The following VPS13D variants were observed in gnomAD, a reference collection of about 807,000 sequenced individuals.
VPS13D encodes the protein intermembrane lipid transfer protein VPS13D.
Under a neutral mutation model 461.9 loss-of-function variants are expected in VPS13D, and 187 were observed. The observed-to-expected ratio is 0.40, with a 90% confidence interval of 0.36 to 0.46. VPS13D has a LOEUF of 0.46. VPS13D is among the 20% of genes least tolerant of loss of function. The pLI, the probability that VPS13D is intolerant of heterozygous loss-of-function variation, is 0.60. For synonymous variants in VPS13D, 1,951 were observed against 1,986.3 expected (o/e 0.98, Z 0.47); for missense variants, 4,711 against 5,364.9 (o/e 0.88, Z 3.81).
At chr1:12,331,911 A>G (rs911106017) in intron 37 of VPS13D, among the ~76,000 whole-genome samples, 3 of 152,174 alleles carry the variant, frequency 2.0e-5, no homozygotes, top group Admixed American at 2.0e-4. Flanking sequence ...TGTGTGTTAC[A>G]TACTGATTTG....
chr1:12,282,450 A>T (rs1276157622), intron 20 of VPS13D, among the ~76,000 whole-genome samples: 1 of 152,178 alleles, frequency 6.6e-6, no homozygotes, highest in Non-Finnish European at 1.5e-5. Flanking sequence ...GACTTTGTTG[A>T]TTCAGGCATA....
chr1:12,394,773 G>A (rs112227081), intron 60 of VPS13D, among the ~76,000 whole-genome samples: 15 of 152,134 alleles, frequency 9.9e-5, no homozygotes, highest in African/African-American at 3.1e-4. Context: ...CCTCTCTCAC[G>A]GTGGGCCATC....
intron 63 of VPS13D, chr1:12,409,826 A>T (rs1052752181): frequency 2.2e-6 from 1 of 455,750 alleles, no homozygotes; most frequent in African/African-American, 2.0e-5. Flanking sequence ...ATGTGAAGCC[A>T]TTGGAAAGCT....
At chr1:12,399,664 A>T (rs1208999313) in intron 60 of VPS13D, among the ~76,000 whole-genome samples, 1 of 151,956 alleles carries the variant, frequency 6.6e-6, no homozygotes, top group Non-Finnish European at 1.5e-5. Flanking sequence ...TACTAAAAAT[A>T]TAAAATTAGC....
intron 46 of VPS13D, among the ~76,000 whole-genome samples, chr1:12,350,592 G>C (rs1456484588): frequency 6.6e-6 from 1 of 152,092 alleles, no homozygotes; most frequent in Non-Finnish European, 1.5e-5. Flanking sequence ...CTTTGGTTAA[G>C]TCTCAATTAA....
intron 63 of VPS13D, among the ~76,000 whole-genome samples, chr1:12,405,557 G>T (rs1267848502): frequency 6.6e-6 from 1 of 152,200 alleles, no homozygotes; most frequent in Non-Finnish European, 1.5e-5. Context: ...GGCTCTTGCA[G>T]CCATCTCTGG....
chr1:12,277,142 A>G lies in VPS13D; in HGVS notation c.3554A>G (p.Asn1185Ser). Residue 1185 changes from asparagine to serine, a missense_variant, in exon 19 of 70, where the codon AAT becomes AGT. Asn to Ser is a conservative substitution (Grantham distance 46, BLOSUM62 1). Transcript: ENST00000620676. ...CTTCTTCGGACAGTGGGCATGGCAA[A>G]TAGAGAGAAATATGGCAGAAAAATT... ...LLLLRTVGMA[N>S]REKYGRKIAT... 1.2e-6 allele frequency: 2 copies of G among 1,614,236 alleles called. No individual in the cohort carries two copies. Among genetic ancestry groups the G allele is most frequent in the Non-Finnish European group, 1.7e-6 (2 of 1,180,042 alleles).
At chr1:12,330,269 G>A (rs1448897894) in intron 37 of VPS13D, among the ~76,000 whole-genome samples, 1 of 151,964 alleles carries the variant, frequency 6.6e-6, no homozygotes, top group African/African-American at 2.4e-5. Flanking sequence ...TACAAAACTA[G>A]CTGGGCATGG....
rs762396986 is a variant in VPS13D, at chr1:12,304,514, G to A, written c.6225G>A (p.Val2075=). ...ATTTTGTTCCTTCCCAGGAATCTGT[G>A]CCTTCAGCTTCCCCAACGGGTATTC... ...GTFSLQDKES[V]PSASPTGIPK... Residue 2075 remains valine, a synonymous_variant, in exon 26 of 70, where the codon GTG becomes GTA. Coordinates refer to ENST00000620676, the MANE Select transcript of VPS13D (RefSeq NM_015378.4). 1.9e-6 allele frequency: 3 copies of A among 1,613,322 alleles called. No individual in the cohort carries two copies. The highest frequency in any genetic ancestry group is 2.5e-6 in the Non-Finnish European group (3 of 1,179,674).
Position 12,283,088 on chromosome 1 carries a change from A to G in VPS13D, c.4986A>G (p.Leu1662=). Residue 1662 remains leucine (L), a synonymous_variant, in exon 21 of 70, where the codon TTA becomes TTG. Coordinates refer to ENST00000620676, the MANE Select transcript of VPS13D (RefSeq NM_015378.4). The part of the protein sequence containing the change: ...VEFSKDHPQT[L]SIQIALHSLL... The stretch of plus-strand genomic sequence containing the variant: ...TCAGTAAAGACCATCCCCAGACTTT[A>G]TCTATTCAGATTGCCCTGCATTCTC... 1 of 1,614,210 alleles carries G rather than the reference A, an allele frequency of 6.2e-7. No homozygotes were observed. Among genetic ancestry groups the G allele is most frequent in the South Asian group, 1.1e-5 (1 of 91,082 alleles).
At chr1:12,317,563 T>C (rs1642922783) in intron 30 of VPS13D, among the ~76,000 whole-genome samples, 1 of 151,574 alleles carries the variant, frequency 6.6e-6, no homozygotes, top group Non-Finnish European at 1.5e-5. Context: ...CTAGTTGCAA[T>C]TGCAATTGAA....
chr1:12,267,560 T>G (rs1196070720), intron 14 of VPS13D, among the ~76,000 whole-genome samples: 1 of 152,168 alleles, frequency 6.6e-6, no homozygotes, highest in African/African-American at 2.4e-5. Flanking sequence ...AAGGCTGACT[T>G]AAAGTTTGAA....
intron 32 of VPS13D, among the ~76,000 whole-genome samples, chr1:12,319,924 G>A (rs12755560): frequency 0.17 from 26,078 of 152,182 alleles, 2,722 homozygotes; most frequent in Middle Eastern, 0.24. Flanking sequence ...GCCCTGTCAG[G>A]CACCTTGTTG....
rs577915820 is a variant in VPS13D at position 12,506,502 on chromosome 1, A to G, written c.12795-351A>G. Among the ~76,000 whole-genome samples the G allele has an allele frequency of 5.9e-5, 9 of 152,174 alleles. No individual in the cohort carries two copies. The East Asian group carries it at 1.2e-3, about 20-fold the overall frequency. ...TGTTTAATTCTGCTTTTCCCCCCTC[A>G]GCTTTCAGCGCCCCCAGCTGCGTCT... is the stretch of plus-strand genomic sequence containing the variant. On this transcript the variant is annotated intron_variant, in intron 68 of 69. Coordinates refer to ENST00000620676, the MANE Select transcript of VPS13D (RefSeq NM_015378.4).
rs1344732265 is a variant in VPS13D, at chr1:12,322,705, A to G, written c.7874A>G (p.Glu2625Gly). The G allele has an allele frequency of 1.9e-6, 3 of 1,614,204 alleles. No individual in the cohort carries two copies. In the South Asian group the frequency reaches 3.3e-5, roughly 18 times the overall value. The change falls in exon 34 of 70, where the codon GAA becomes GGA. Residue 2625 changes from glutamate to glycine, a missense_variant. Physicochemically the swap from Glu to Gly is moderately conservative, Grantham distance 98. Coordinates refer to ENST00000620676, the MANE Select transcript of VPS13D (RefSeq NM_015378.4). ...CCAGGTGCATCTCGCGTTGGAGAGG[A>G]AATCAGAGAAGGGACAAGACACACC... is the stretch of plus-strand genomic sequence containing the variant. ...YLPGASRVGE[E>G]IREGTRHTLD...
chr1:12,327,345 G>C (rs1643216130), intron 35 of VPS13D, among the ~76,000 whole-genome samples: 1 of 152,222 alleles, frequency 6.6e-6, no homozygotes, highest in Non-Finnish European at 1.5e-5. Flanking sequence ...GCATGGTAGA[G>C]AGGGATGGCT....
Position 12,507,152 on chromosome 1 carries a change from G to C in VPS13D, c.13035+59G>C. On this transcript the variant is annotated intron_variant, in intron 69 of 69. Coordinates refer to ENST00000620676, the MANE Select transcript of VPS13D (RefSeq NM_015378.4). This position sits in a 1 kb window ranked among gnomAD's most constrained non-coding sequence, Gnocchi z 5.3. ...GCGGGGCCAGGGCCTCGATGCCTCT[G>C]CCCTGCTTCCCCGTCCTCAGCAGGA... 1 of 1,610,694 alleles carries C rather than the reference G, an allele frequency of 6.2e-7. No individual in the cohort carries two copies. Among genetic ancestry groups the C allele is most frequent in the Non-Finnish European group, 8.5e-7 (1 of 1,178,144 alleles).
At position 12,382,984 on chromosome 1, in the gene VPS13D, A is replaced by G; in HGVS notation, c.11199A>G (p.Gly3733=). The G allele has an allele frequency of 2.5e-6, 4 of 1,613,430 alleles. No homozygotes were observed. The highest frequency in any genetic ancestry group is 2.5e-6 in the Non-Finnish European group (3 of 1,179,814). ...GLHGLVVQAK[G]GLSGLFDGAE... is the part of the protein sequence containing the mutation. ...ACTCCAATGTCTTTTAGGCCAAAGG[A>G]GGACTTTCTGGTTTGTTTGATGGAG... The change falls in exon 58 of 70, where the codon GGA becomes GGG. Residue 3733 remains glycine, a synonymous_variant. Coordinates refer to ENST00000620676, the MANE Select transcript of VPS13D (RefSeq NM_015378.4).
Position 12,276,974 on chromosome 1 carries a change from C to A in VPS13D, c.3386C>A (p.Ser1129Tyr). The A allele has an allele frequency of 6.2e-7, 1 of 1,614,060 alleles. No individual in the cohort carries two copies. Among genetic ancestry groups the A allele is most frequent in the Non-Finnish European group, 8.5e-7 (1 of 1,180,010 alleles). The stretch of plus-strand genomic sequence containing the variant: ...GAGCTAATTGGTTTTCTTCAAAAAT[C>A]CTTTCCCAAGGAAAAAGATGATTTA... ...IVELIGFLQKSFPKEKDDLSP... is the reference protein window; with the variant it reads ...IVELIGFLQKYFPKEKDDLSP... Residue 1129 changes from serine (S) to tyrosine (Y), a missense_variant, in exon 19 of 70, where the codon TCC becomes TAC. By Grantham distance (144) the Ser-to-Tyr change is moderately radical. This residue lies in a region of VPS13D where 4,411 missense variants were observed against 4,937.8 expected (regional missense o/e 0.89). Coordinates refer to ENST00000620676, the MANE Select transcript of VPS13D (RefSeq NM_015378.4). The surrounding 1 kb of genome is among the most constrained non-coding windows in gnomAD (Gnocchi z 4.5).
Sources: gnomAD v4.1 joint callset for allele counts (sites outside exome capture counted in the v4.1 genomes callset) on GRCh38, gnomAD v4.1.1 for gene constraint, gnomAD v4.1.1 regional missense constraint, Gnocchi (gnomAD v3.1) non-coding constraint, MANE v1.5 for transcripts, NCBI Gene and HGNC (gene_info 2026-07-23, HGNC 2026-07-21) for gene names.